PAFAH1B1: variants seen among roughly 807,000 people sequenced by gnomAD.
PAFAH1B1 encodes platelet activating factor acetylhydrolase 1b regulatory subunit 1, also known as platelet-activating factor acetylhydrolase IB subunit beta.
PAFAH1B1 carries 2 observed loss-of-function variants against 57.5 expected under a neutral mutation model. That is an observed-to-expected ratio of 0.03 (90% CI 0.01 to 0.11). PAFAH1B1 has a LOEUF of 0.11. PAFAH1B1 is among the 10% of genes least tolerant of loss of function. The pLI, the probability that PAFAH1B1 is intolerant of heterozygous loss-of-function variation, is 1.00. For missense variants in PAFAH1B1, 257 were observed against 512.0 expected, an observed-to-expected ratio of 0.50 and a Z score of 4.81; for synonymous variants, 152 against 169.6, an observed-to-expected ratio of 0.90 and a Z score of 0.81.
intron 1 of PAFAH1B1, among the ~76,000 whole-genome samples, chr17:2,600,240 C>T (rs1038483787): frequency 1.3e-5 from 2 of 151,906 alleles, no homozygotes; most frequent in African/African-American, 2.4e-5. Flanking sequence ...GCCACCACAC[C>T]CAGCCCAATC....
At chr17:2,623,331 A>G (rs1453134781) in intron 1 of PAFAH1B1, among the ~76,000 whole-genome samples, 6 of 123,294 alleles carry the variant, frequency 4.9e-5, no homozygotes. Context: ...GTGCAGTGGC[A>G]TGATCTTGGC....
chr17:2,626,567 CCCCCG>C (rs1366002221), intron 1 of PAFAH1B1, among the ~76,000 whole-genome samples: 1 of 71,890 alleles, frequency 1.4e-5, no homozygotes, highest in Non-Finnish European at 3.6e-5. Flanking sequence ...CCCCCCCCCC[CCCCCG>C]AGGCGGAGTC....
At chr17:2,655,986 C>T (rs12948200) in intron 2 of PAFAH1B1, among the ~76,000 whole-genome samples, 24,289 of 151,964 alleles carry the variant, frequency 0.16, 2,602 homozygotes, top group Non-Finnish European at 0.24. Flanking sequence ...TGCAGTGGCA[C>T]GATCTCGGCT....
intron 1 of PAFAH1B1, among the ~76,000 whole-genome samples, chr17:2,601,663 A>C (rs1479171285): frequency 6.6e-6 from 1 of 152,114 alleles, no homozygotes; most frequent in Non-Finnish European, 1.5e-5. Context: ...GCAGGCCTTG[A>C]ACTCCTGACC....
chr17:2,633,226 G>A (rs2068577510), intron 1 of PAFAH1B1, among the ~76,000 whole-genome samples: 1 of 149,376 alleles, frequency 6.7e-6, no homozygotes, highest in South Asian at 2.1e-4. Context: ...GCAGTGCAGT[G>A]ATGCAATCTC....
intron 1 of PAFAH1B1, among the ~76,000 whole-genome samples, chr17:2,597,740 GTT>G (rs1413728774): frequency 1.5e-5 from 2 of 136,106 alleles, no homozygotes; most frequent in Non-Finnish European, 3.3e-5. Context: ...TAATATAAAT[GTT>G]TCTCTCTCAG....
intron 2 of PAFAH1B1, chr17:2,659,393 T>G (rs1346435486): frequency 2.7e-5 from 7 of 256,672 alleles, no homozygotes; most frequent in Non-Finnish European, 4.0e-5. Flanking sequence ...AAAAATTAGC[T>G]GGGCATGGTG....
chr17:2,635,104 A>G (rs984710089), intron 1 of PAFAH1B1, among the ~76,000 whole-genome samples: 1 of 151,658 alleles, frequency 6.6e-6, no homozygotes, highest in Non-Finnish European at 1.5e-5. Context: ...CAGAGGTTGC[A>G]GTGAGCTGAG....
chr17:2,654,957 T>C (rs996806165), intron 2 of PAFAH1B1, among the ~76,000 whole-genome samples: 16 of 150,654 alleles, frequency 1.1e-4, no homozygotes, highest in Non-Finnish European at 1.5e-4. Flanking sequence ...TTTTCTTCTT[T>C]TTTTTTTTTT....
chr17:2,624,977 A>G lies in PAFAH1B1; in HGVS notation c.-190-13122A>G, dbSNP rs543265367. Among the ~76,000 whole-genome samples, 19 of 152,026 alleles carry G rather than the reference A, an allele frequency of 1.2e-4. No individual in the cohort carries two copies. The East Asian group carries it at 3.3e-3, about 26-fold the overall frequency. ...AATAAATCCGATGATTTCCATTTTC[A>G]TGTCATTGCGCCTCTACTGTTAACA... On this transcript the variant is annotated intron_variant, in intron 1 of 10. Coordinates refer to ENST00000397195, the MANE Select transcript of PAFAH1B1 (RefSeq NM_000430.4).
chr17:2,620,119 G>C (rs2068400049), intron 1 of PAFAH1B1, among the ~76,000 whole-genome samples: 1 of 151,928 alleles, frequency 6.6e-6, no homozygotes, highest in African/African-American at 2.4e-5. Flanking sequence ...AATTCTACCT[G>C]ATTTTTAGTA....
chr17:2,638,504 A>T, intron 2 of PAFAH1B1, 184 bp downstream of exon 2: 3 of 564,262 alleles, frequency 5.3e-6, no homozygotes, highest in Non-Finnish European at 3.2e-6. Flanking sequence ...ATTATTTTTA[A>T]AATTTATTTA....
intron 2 of PAFAH1B1, among the ~76,000 whole-genome samples, chr17:2,650,049 A>T (rs1454290774): frequency 6.6e-6 from 1 of 152,184 alleles, no homozygotes; most frequent in Non-Finnish European, 1.5e-5. Flanking sequence ...GAAGACTGGT[A>T]AGTTTGACTG....
At chr17:2,642,312 C>T (rs898200548) in intron 2 of PAFAH1B1, 4 of 152,200 alleles carry the variant, frequency 2.6e-5, no homozygotes, top group Non-Finnish European at 4.4e-5. Flanking sequence ...CAACATGACA[C>T]TACAAGTGGA....
intron 2 of PAFAH1B1, among the ~76,000 whole-genome samples, chr17:2,654,052 C>G (rs2068903497): frequency 6.6e-6 from 1 of 152,088 alleles, no homozygotes; most frequent in African/African-American, 2.4e-5. Context: ...GGTGATACAC[C>G]CGCCTCGGCC....
intron 1 of PAFAH1B1, among the ~76,000 whole-genome samples, chr17:2,623,405 A>G (rs907502384): frequency 2.5e-4 from 37 of 149,768 alleles, no homozygotes; most frequent in African/African-American, 8.1e-4. Flanking sequence ...ACTACAGGTG[A>G]CCACCACCAC....
At chr17:2,659,665 C>T (rs1288544315) in intron 2 of PAFAH1B1, among the ~76,000 whole-genome samples, 5 of 151,352 alleles carry the variant, frequency 3.3e-5, no homozygotes, top group African/African-American at 1.2e-4. Context: ...ACCCCGTCTC[C>T]ACTAAAAATA....
intron 2 of PAFAH1B1, among the ~76,000 whole-genome samples, chr17:2,651,380 C>T (rs1299679591): frequency 7.2e-6 from 1 of 138,224 alleles, no homozygotes; most frequent in African/African-American, 2.7e-5. Flanking sequence ...GGTTCAAGAC[C>T]AGACTGGCCA....
chr17:2,664,694 T>TC (rs1567554200), intron 2 of PAFAH1B1, among the ~76,000 whole-genome samples: 5,357 of 114,472 alleles, frequency 0.047, 213 homozygotes, highest in Middle Eastern at 0.084. Context: ...CTCTCTCTCT[T>TC]TCTCTCTCCA....
Sources: allele counts gnomAD v4.1 joint callset (sites outside exome capture counted in the v4.1 genomes callset), GRCh38; gene constraint gnomAD v4.1.1; transcripts MANE v1.5; gene names NCBI Gene and HGNC (gene_info 2026-07-23, HGNC 2026-07-21).